Variants in SHANK2 observed in about 807,000 individuals in gnomAD.
The protein encoded by SHANK2 is SH3 and multiple ankyrin repeat domains protein 2.
In SHANK2, 43 loss-of-function variants were observed where a neutral mutation model predicts 133.7. The ratio of observed to expected loss-of-function variants is 0.32; its 90% confidence interval spans 0.25 to 0.41. The LOEUF (loss-of-function observed/expected upper bound fraction) is 0.41. Among genes scored for constraint, SHANK2 ranks in the 10% least tolerant of loss-of-function variants. The pLI is 1.00. For synonymous variants in SHANK2, 1,017 were observed against 952.8 expected, an observed-to-expected ratio of 1.07 and a Z score of -1.24; for missense variants, 1,994 against 2,235.8, an observed-to-expected ratio of 0.89 and a Z score of 2.18.
At chr11:71,195,332 C>T (rs1044334978) in intron 2 of SHANK2, among the ~76,000 whole-genome samples, 4 of 151,894 alleles carry the variant, frequency 2.6e-5, no homozygotes, top group African/African-American at 9.7e-5. Context: ...GCAGAGCTTG[C>T]AGTGAGCCGA....
intron 2 of SHANK2, among the ~76,000 whole-genome samples, chr11:71,222,119 AACCCCACCCACCCC>A (rs1954553510): frequency 6.7e-6 from 1 of 150,224 alleles, no homozygotes; most frequent in African/African-American, 2.5e-5. Context: ...CCAAGAGGAA[AACCCCACCCACCCC>A]ACCCCATCCA....
At chr11:70,565,953 A>C (rs528282919) in intron 17 of SHANK2, among the ~76,000 whole-genome samples, 2 of 152,266 alleles carry the variant, frequency 1.3e-5, no homozygotes, top group South Asian at 4.1e-4. Flanking sequence ...TATACCTAAG[A>C]CTGGGTAATT....
At chr11:70,570,889 G>A (rs1352146455) in intron 17 of SHANK2, among the ~76,000 whole-genome samples, 1 of 152,224 alleles carries the variant, frequency 6.6e-6, no homozygotes, top group Non-Finnish European at 1.5e-5. Flanking sequence ...GGAAATATGG[G>A]TGGGGCTCTG....
chr11:71,096,673 G>A (rs1951619981), intron 6 of SHANK2, among the ~76,000 whole-genome samples: 1 of 152,210 alleles, frequency 6.6e-6, no homozygotes, highest in South Asian at 2.1e-4. Context: ...GCGACTTAAT[G>A]AGCGTGTGAC....
At chr11:70,939,037 G>A (rs542046390) in intron 10 of SHANK2, among the ~76,000 whole-genome samples, 1 of 146,404 alleles carries the variant, frequency 6.8e-6, no homozygotes, top group South Asian at 2.3e-4. Flanking sequence ...GACAGAGGGA[G>A]GCAGACAGGC....
At chr11:70,664,630 CT>C (rs1944645189) in intron 15 of SHANK2, among the ~76,000 whole-genome samples, 1 of 152,242 alleles carries the variant, frequency 6.6e-6, no homozygotes, top group African/African-American at 2.4e-5. Flanking sequence ...TGGGCAGCTC[CT>C]CCTGCAGTGC....
intron 11 of SHANK2, among the ~76,000 whole-genome samples, chr11:70,839,734 G>A (rs781852697): frequency 4.6e-5 from 7 of 152,168 alleles, no homozygotes; most frequent in East Asian, 1.9e-4. Context: ...CTGCCAGGCC[G>A]CCCTGGAAAA....
chr11:71,200,962 T>C (rs1207392391), intron 2 of SHANK2, among the ~76,000 whole-genome samples: 1 of 151,944 alleles, frequency 6.6e-6, no homozygotes, highest in Non-Finnish European at 1.5e-5. Context: ...ATTCAACCAA[T>C]ATTGGGCACC....
intron 17 of SHANK2, among the ~76,000 whole-genome samples, chr11:70,594,775 C>G (rs1429022958): frequency 2.0e-5 from 3 of 152,132 alleles, no homozygotes; most frequent in Admixed American, 6.5e-5. Flanking sequence ...AATGGGCATT[C>G]GTTGCCCATC....
At chr11:71,098,695 T>C (rs1230928683) in intron 6 of SHANK2, among the ~76,000 whole-genome samples, 1 of 151,984 alleles carries the variant, frequency 6.6e-6, no homozygotes, top group Non-Finnish European at 1.5e-5. Flanking sequence ...AGAAAGTGAG[T>C]GCAACCACAT....
chr11:70,544,041 A>C (rs782521892), intron 17 of SHANK2, among the ~76,000 whole-genome samples: 1 of 152,118 alleles, frequency 6.6e-6, no homozygotes, highest in African/African-American at 2.4e-5. Context: ...AGTCCCCCCA[A>C]ATTTGGCCTC....
At chr11:70,694,167 T>G (rs1306984220) in intron 15 of SHANK2, among the ~76,000 whole-genome samples, 1 of 152,170 alleles carries the variant, frequency 6.6e-6, no homozygotes, top group Non-Finnish European at 1.5e-5. Flanking sequence ...GACATTGAAA[T>G]ATCTGTAAAG....
chr11:70,733,931 C>G (rs947857), intron 14 of SHANK2, among the ~76,000 whole-genome samples: 70,376 of 152,110 alleles, frequency 0.46, 16,832 homozygotes, highest in African/African-American at 0.58. Flanking sequence ...GCTAGGCCCA[C>G]CTCGTGCCTG....
At position 70,473,909 on chromosome 11, in the gene SHANK2, C is replaced by T. The variant is rs956691090; in HGVS notation, c.4980-470G>A. ...AGAACGTGCCAGGCAACATCTCCAGCGCCTCAGCTTCAGCAGGTGGGAAGG... is the reference window on the plus strand; with the variant it reads ...AGAACGTGCCAGGCAACATCTCCAGTGCCTCAGCTTCAGCAGGTGGGAAGG... On this transcript the variant is annotated intron_variant, in intron 25 of 25. Coordinates refer to ENST00000601538, the MANE Select transcript of SHANK2 (RefSeq NM_012309.5). This position sits in a 1 kb window ranked among gnomAD's most constrained non-coding sequence, Gnocchi z 5.9. 1.2e-5 allele frequency: 3 copies of T among 246,232 alleles called. No homozygotes were observed. The highest frequency in any genetic ancestry group is 8.8e-5 in the Admixed American group (2 of 22,616). 15.3% of individuals were successfully genotyped at this position (246,232 alleles called of 1,614,324 possible). A position where few individuals can be genotyped will look rare whatever the true frequency, so the allele number is the denominator to read the frequency against.
At chr11:71,085,497 AAT>A (rs1406355326) in intron 8 of SHANK2, among the ~76,000 whole-genome samples, 2,962 of 119,842 alleles carry the variant, frequency 0.025, 155 homozygotes, top group African/African-American at 0.093. Flanking sequence ...TATAATATAT[AAT>A]ATATATGTTA....
intron 17 of SHANK2, among the ~76,000 whole-genome samples, chr11:70,530,365 A>G (rs565746870): frequency 1.3e-5 from 2 of 152,194 alleles, no homozygotes; most frequent in African/African-American, 4.8e-5. Flanking sequence ...GTGAGACACC[A>G]TTTCTACAAA....
intron 6 of SHANK2, among the ~76,000 whole-genome samples, chr11:71,101,910 C>A (rs1951721954): frequency 6.6e-6 from 1 of 152,156 alleles, no homozygotes; most frequent in Admixed American, 6.5e-5. Flanking sequence ...GAGTACACCC[C>A]GACCCTGGAA....
At chr11:71,125,257 C>A (rs782041821) in intron 3 of SHANK2, among the ~76,000 whole-genome samples, 13 of 152,128 alleles carry the variant, frequency 8.5e-5, no homozygotes, top group Non-Finnish European at 1.9e-4. Flanking sequence ...AGTGATTAAG[C>A]TTAGCAAGGA....
chr11:70,552,132 G>A (rs1303929939), intron 17 of SHANK2, among the ~76,000 whole-genome samples: 1 of 152,230 alleles, frequency 6.6e-6, no homozygotes, highest in Non-Finnish European at 1.5e-5. Flanking sequence ...CTGCATGGAG[G>A]AGGAGGCTTT....
Sources: gnomAD v4.1 joint callset for allele counts (sites outside exome capture counted in the v4.1 genomes callset) on GRCh38, gnomAD v4.1.1 for gene constraint, Gnocchi (gnomAD v3.1) non-coding constraint, MANE v1.5 for transcripts, NCBI Gene and HGNC (gene_info 2026-07-23, HGNC 2026-07-21) for gene names.